Variants in SYN3 observed in about 807,000 individuals in gnomAD.
SYN3 encodes synapsin-3.
A neutral mutation model predicts 65.8 loss-of-function variants in SYN3; 35 were observed. The ratio of observed to expected loss-of-function variants is 0.53; its 90% CI spans 0.41 to 0.70. SYN3 has a LOEUF of 0.70. Among genes scored for constraint, SYN3 ranks in the 30% least tolerant of loss-of-function variants. The pLI, the probability that SYN3 is intolerant of heterozygous loss-of-function variation, is 0.00. For missense variants in SYN3, 680 were observed against 749.0 expected (o/e 0.91, Z 1.08); for synonymous variants, 270 against 292.9 (o/e 0.92, Z 0.80).
intron 6 of SYN3, among the ~76,000 whole-genome samples, chr22:32,850,671 C>T (rs2048192833): frequency 6.6e-6 from 1 of 152,124 alleles, no homozygotes; most frequent in Non-Finnish European, 1.5e-5. Flanking sequence ...GTGCTGAGGT[C>T]CACAGGAACT....
At chr22:32,911,660 G>T (rs1268233456) in intron 4 of SYN3, among the ~76,000 whole-genome samples, 1 of 152,084 alleles carries the variant, frequency 6.6e-6, no homozygotes, top group African/African-American at 2.4e-5. Flanking sequence ...ATAAAAGATG[G>T]CTGCACGGCT....
chr22:32,952,875 AC>A (rs2051334066), intron 3 of SYN3, among the ~76,000 whole-genome samples: 1 of 152,322 alleles, frequency 6.6e-6, no homozygotes, highest in East Asian at 1.9e-4. Flanking sequence ...TCTGATCTCC[AC>A]CCCTGCCTTG....
intron 6 of SYN3, among the ~76,000 whole-genome samples, chr22:32,796,975 G>A (rs2046444255): frequency 6.6e-6 from 1 of 152,084 alleles, no homozygotes; most frequent in Non-Finnish European, 1.5e-5. Flanking sequence ...GAGGAGCTCC[G>A]GCAGCCACGA....
chr22:32,710,632 C>CA (rs57427060), intron 6 of SYN3, among the ~76,000 whole-genome samples: 11,122 of 74,782 alleles, frequency 0.15, 893 homozygotes, highest in Non-Finnish European at 0.2. Flanking sequence ...GACTCTGTCT[C>CA]AAAAAAAAAA....
chr22:32,867,783 A>G (rs1286830309), intron 5 of SYN3, among the ~76,000 whole-genome samples: 1 of 152,142 alleles, frequency 6.6e-6, no homozygotes, highest in Non-Finnish European at 1.5e-5. Context: ...GGGTTTCACC[A>G]TGTTGGCCAG....
At chr22:33,028,627 T>A in intron 1 of SYN3, among the ~76,000 whole-genome samples, 1 of 103,390 alleles carries the variant, frequency 9.7e-6, no homozygotes, top group Non-Finnish European at 1.9e-5. Context: ...CACTAGGAAG[T>A]ATAATAAGAA....
intron 1 of SYN3, among the ~76,000 whole-genome samples, chr22:33,047,986 C>T (rs2145962195): frequency 6.6e-6 from 1 of 151,980 alleles, no homozygotes; most frequent in South Asian, 2.1e-4. Context: ...ATTCTTTTTC[C>T]ACTTTGGACT....
chr22:32,710,961 G>A (rs5749498), intron 6 of SYN3, among the ~76,000 whole-genome samples: 5 of 152,066 alleles, frequency 3.3e-5, no homozygotes, highest in African/African-American at 4.8e-5. Flanking sequence ...GATGAACATC[G>A]CCCTTTCTCT....
At chr22:33,050,834 G>C (rs1440875074) in intron 1 of SYN3, among the ~76,000 whole-genome samples, 1 of 152,164 alleles carries the variant, frequency 6.6e-6, no homozygotes, top group East Asian at 1.9e-4. Flanking sequence ...CTTTAGCCTT[G>C]ATTTGCACAT....
intron 6 of SYN3, among the ~76,000 whole-genome samples, chr22:32,852,171 C>A (rs894275509): frequency 1.3e-5 from 2 of 152,168 alleles, no homozygotes; most frequent in African/African-American, 4.8e-5. Context: ...GCAACTGAGA[C>A]CTGGGAGGTC....
At chr22:32,810,830 A>C (rs757958703) in intron 6 of SYN3, among the ~76,000 whole-genome samples, 3 of 152,158 alleles carry the variant, frequency 2.0e-5, no homozygotes, top group Non-Finnish European at 4.4e-5. Context: ...CATCTCATGT[A>C]TTTAGGAAGG....
intron 6 of SYN3, among the ~76,000 whole-genome samples, chr22:32,654,688 G>A (rs894284133): frequency 6.6e-6 from 1 of 152,156 alleles, no homozygotes; most frequent in Non-Finnish European, 1.5e-5. Context: ...TAGGTTGAAC[G>A]CTCCTTATGA....
At chr22:32,727,868 C>G (rs556907936) in intron 6 of SYN3, among the ~76,000 whole-genome samples, 21 of 152,282 alleles carry the variant, frequency 1.4e-4, no homozygotes, top group Middle Eastern at 3.4e-3. Flanking sequence ...CTTATAAATA[C>G]TAGATGTTAG....
chr22:32,746,345 T>G (rs1218179326), intron 6 of SYN3, among the ~76,000 whole-genome samples: 2 of 152,356 alleles, frequency 1.3e-5, no homozygotes, highest in Admixed American at 1.3e-4. Context: ...AATCTTCACA[T>G]AAAAGATGCC....
intron 6 of SYN3, among the ~76,000 whole-genome samples, chr22:32,728,830 T>C (rs1866576664): frequency 6.6e-6 from 1 of 152,066 alleles, no homozygotes; most frequent in African/African-American, 2.4e-5. Context: ...CCCTCATGGG[T>C]TGAAGGTTGC....
In SYN3 at chr22:32,986,413, C is replaced by T. The variant is rs56373657; in HGVS notation, c.312-5711G>A. Among the ~76,000 whole-genome samples the T allele has an allele frequency of 5.8e-3, 878 of 152,286 alleles. 6 individuals carry two copies. Among genetic ancestry groups the T allele is most frequent in the South Asian group, 0.028 (136 of 4,826 alleles). ...TCCCAGGAGAAACATTTGTTTTGCC[C>T]ATCTCTGGAATGTTTACTGCAGGGC... is the stretch of plus-strand genomic sequence containing the variant. On this transcript the variant is annotated intron_variant, in intron 2 of 13. Transcript: ENST00000358763.
At chr22:32,888,085 A>T (rs908031175) in intron 4 of SYN3, among the ~76,000 whole-genome samples, 2 of 152,114 alleles carry the variant, frequency 1.3e-5, no homozygotes, top group Non-Finnish European at 2.9e-5. Flanking sequence ...ATGATGTTTA[A>T]TATCATTTCA....
chr22:32,660,354 G>GCGCGT (rs1420406078), intron 6 of SYN3, among the ~76,000 whole-genome samples: 9 of 152,324 alleles, frequency 5.9e-5, no homozygotes, highest in African/African-American at 2.2e-4. Flanking sequence ...TTCCAGGTCA[G>GCGCGT]TGCGTCTCTG....
chr22:32,624,507 C>T (rs1251470699), intron 6 of SYN3, among the ~76,000 whole-genome samples: 1 of 152,252 alleles, frequency 6.6e-6, no homozygotes. Context: ...GTACTGGCTT[C>T]TCCCCTGGGC....
Sources: allele counts gnomAD v4.1 joint callset (sites outside exome capture counted in the v4.1 genomes callset), GRCh38; gene constraint gnomAD v4.1.1; transcripts MANE v1.5; gene names NCBI Gene and HGNC (gene_info 2026-07-23, HGNC 2026-07-21).